COL22A1: variants seen among roughly 807,000 people sequenced by gnomAD.
COL22A1 encodes the protein collagen alpha-1(XXII) chain.
In COL22A1, 221 loss-of-function variants were observed where a neutral mutation model predicts 248.9. The observed-to-expected ratio is 0.89, with a 90% confidence interval of 0.80 to 0.99. The LOEUF (loss-of-function observed/expected upper bound fraction) is 0.99. Among genes scored for constraint, COL22A1 ranks in the 50% least tolerant of loss-of-function variants. COL22A1 has a pLI of 0.00. For missense variants in COL22A1, 2,240 were observed against 2,179.0 expected (o/e 1.03, Z -0.56); for synonymous variants, 891 against 793.4 (o/e 1.12, Z -2.07).
At chr8:138,910,271 G>A (rs545803699) in intron 1 of COL22A1, among the ~76,000 whole-genome samples, 2 of 152,328 alleles carry the variant, frequency 1.3e-5, no homozygotes, top group African/African-American at 4.8e-5. Flanking sequence ...TGGGCTGGTT[G>A]TCTCAGACAC....
At chr8:138,897,625 T>G (rs7820239) in intron 1 of COL22A1, among the ~76,000 whole-genome samples, 4,128 of 152,146 alleles carry the variant, frequency 0.027, 199 homozygotes, top group African/African-American at 0.095. Context: ...CTGAGGCCCC[T>G]GAAGACAAGC....
At chr8:138,636,243 G>GC (rs1291732447) in intron 48 of COL22A1, among the ~76,000 whole-genome samples, 3 of 151,946 alleles carry the variant, frequency 2.0e-5, no homozygotes, top group Non-Finnish European at 4.4e-5. Flanking sequence ...AGAGCAGTGA[G>GC]CCCTTATTGG....
At chr8:138,804,740 A>G (rs13255090) in intron 10 of COL22A1, among the ~76,000 whole-genome samples, 51,745 of 147,856 alleles carry the variant, frequency 0.35, 10,049 homozygotes, top group African/African-American at 0.55. Flanking sequence ...AGGGGTGTGT[A>G]TGTGATGAGG....
At chr8:138,678,086 AC>A (rs773866565) in intron 40 of COL22A1, among the ~76,000 whole-genome samples, 11 of 152,146 alleles carry the variant, frequency 7.2e-5, no homozygotes, top group Non-Finnish European at 1.6e-4. Context: ...CTATAGTACA[AC>A]CGTTGCCTGG....
At chr8:138,845,278 G>T (rs56310782) in intron 3 of COL22A1, among the ~76,000 whole-genome samples, 50 of 145,588 alleles carry the variant, frequency 3.4e-4, no homozygotes, top group Non-Finnish European at 4.9e-4. Flanking sequence ...AGGCCAAGAC[G>T]GGGGGGGATC....
chr8:138,695,004 AC>A, intron 32 of COL22A1, 125 bp from the exon 33 acceptor site: 2 of 806,188 alleles, frequency 2.5e-6, no homozygotes, highest in Non-Finnish European at 2.0e-6. Flanking sequence ...ATAGGTCCCC[AC>A]CCCCAAAGGC....
intron 23 of COL22A1, among the ~76,000 whole-genome samples, chr8:138,735,842 T>A (rs1402982069): frequency 6.6e-6 from 1 of 152,226 alleles, no homozygotes; most frequent in African/African-American, 2.4e-5. Flanking sequence ...AACTGGCTTC[T>A]GAAGTGCAGT....
chr8:138,853,017 C>T (rs886787579), intron 3 of COL22A1, among the ~76,000 whole-genome samples: 1 of 151,584 alleles, frequency 6.6e-6, no homozygotes, highest in African/African-American at 2.4e-5. Flanking sequence ...TATACATGCA[C>T]ATACAAAAAT....
At chr8:138,803,524 A>AAAAAT (rs55672917) in intron 10 of COL22A1, among the ~76,000 whole-genome samples, 5,707 of 152,040 alleles carry the variant, frequency 0.038, 249 homozygotes, top group African/African-American at 0.11. Flanking sequence ...AGTATAATAA[A>AAAAAT]AAAATAAAAT....
intron 11 of COL22A1, among the ~76,000 whole-genome samples, chr8:138,797,388 A>G (rs1444340375): frequency 2.0e-5 from 3 of 152,212 alleles, no homozygotes; most frequent in Non-Finnish European, 2.9e-5. Context: ...TTCACTCAGC[A>G]AAGTCTTTCC....
chr8:138,811,864 T>C lies in COL22A1; in HGVS notation c.1384A>G (p.Thr462Ala). ...PPPPPPQRPP[T>A]PGSEQIGFLK... The stretch of plus-strand genomic sequence containing the variant: ...AACCCAATCTGTTCACTGCCTGGGG[T>C]GGGAGGCCGCTGGGGTGGGGGTGGA... The change falls in exon 9 of 65, where the codon ACC (threonine) becomes GCC (alanine). Residue 462 changes from threonine to alanine, a missense_variant. By Grantham distance (58) the Thr-to-Ala change is moderately conservative. Transcript: ENST00000303045. 1.2e-6 allele frequency: 1 copy of C among 866,958 alleles called. No homozygotes were observed. The highest frequency in any genetic ancestry group is 1.7e-6 in the Non-Finnish European group (1 of 597,048). The allele number at this position is 866,958 out of a possible 1,614,324, so 53.7% of individuals were successfully genotyped here. A position where few individuals can be genotyped will look rare whatever the true frequency, so the allele number is the denominator to read the frequency against.
chr8:138,706,796 A>G (rs1188323273), intron 30 of COL22A1, among the ~76,000 whole-genome samples: 2 of 152,234 alleles, frequency 1.3e-5, no homozygotes, highest in Non-Finnish European at 2.9e-5. Flanking sequence ...TCAGAGCAGA[A>G]CTGAAGGAGA....
chr8:138,687,442 T>C (rs989562749), intron 37 of COL22A1, among the ~76,000 whole-genome samples: 1 of 152,358 alleles, frequency 6.6e-6, no homozygotes, highest in Middle Eastern at 3.4e-3. Flanking sequence ...ACATAAGAAC[T>C]GAAGTGATTC....
In COL22A1 at chr8:138,821,375, C is replaced by T. The variant is rs115041878; in HGVS notation, c.1006G>A (p.Glu336Lys). Reference sequence around the variant, plus strand: ...TTCATGGCACCCACAGCGTTGTACTCGACTGCCTTGTTTTCACCATCCAGC... The same window carrying T: ...TTCATGGCACCCACAGCGTTGTACTTGACTGCCTTGTTTTCACCATCCAGC... ...IRLDGENKAV[E>K]YNAVGAMKDA... is the part of the protein sequence containing the mutation. Residue 336 changes from glutamate to lysine, a missense_variant, in exon 7 of 65, where the codon GAG (glutamate) becomes AAG (lysine). Coordinates refer to ENST00000303045, the MANE Select transcript of COL22A1 (RefSeq NM_152888.3). 424 of 1,613,990 alleles carry T rather than the reference C, an allele frequency of 2.6e-4. No homozygotes were observed. The African/African-American group carries it at 5.0e-3, about 19-fold the overall frequency.
Position 138,905,435 on chromosome 8 carries a change from C to T in COL22A1, c.-73+8184G>A, listed in dbSNP as rs147255859. Reference sequence around the variant, plus strand: ...GCTGAAGGAAAGGCCAGTGGCTGAGCTCAGACTGGGCCCTAGGTCCCCTTT... The same window carrying T: ...GCTGAAGGAAAGGCCAGTGGCTGAGTTCAGACTGGGCCCTAGGTCCCCTTT... On this transcript the variant is annotated intron_variant, in intron 1 of 64. Transcript: ENST00000303045. Among the ~76,000 whole-genome samples the T allele has an allele frequency of 5.3e-3, 806 of 152,302 alleles. 6 individuals carry two copies. The highest frequency in any genetic ancestry group is 0.01 in the Admixed American group (156 of 15,304).
chr8:138,613,769 C>T (rs913951462), intron 56 of COL22A1, 98 bp downstream of exon 56: 25 of 1,126,340 alleles, frequency 2.2e-5, no homozygotes, highest in African/African-American at 9.1e-5. Context: ...AATTTTTTAA[C>T]AATATATACA....
rs371982028 is a variant in COL22A1, at chr8:138,726,498, C to CAAAA, written c.2140-1062_2140-1059dup. 5.6e-4 allele frequency among the ~76,000 whole-genome samples: 54 copies of CAAAA among 95,624 alleles called. 2 individuals carry two copies. In the East Asian group the frequency reaches 9.8e-3, roughly 17 times the overall value. 62.7% of individuals were successfully genotyped at this position (95,624 alleles called of 152,430 possible). The stretch of plus-strand genomic sequence containing the variant: ...GGTGCAGAGCAATATCCTGTATCTA[C>CAAAA]AAAAAAAAAAAAAAAGAAAGAAAAA... On this transcript the variant is annotated intron_variant, in intron 23 of 64. Coordinates refer to ENST00000303045, the MANE Select transcript of COL22A1 (RefSeq NM_152888.3).
intron 39 of COL22A1, among the ~76,000 whole-genome samples, chr8:138,682,477 T>C (rs1423733591): frequency 6.6e-6 from 1 of 152,192 alleles, no homozygotes; most frequent in Non-Finnish European, 1.5e-5. Context: ...ATGTAAACAT[T>C]CTCAAGTCAG....
chr8:138,883,694 T>C (rs1253073229), intron 1 of COL22A1, among the ~76,000 whole-genome samples: 2 of 152,094 alleles, frequency 1.3e-5, no homozygotes, highest in Non-Finnish European at 2.9e-5. Flanking sequence ...ACTTTTATAA[T>C]GGTAGTTCTT....
Sources: gnomAD v4.1 joint callset for allele counts (sites outside exome capture counted in the v4.1 genomes callset) on GRCh38, gnomAD v4.1.1 for gene constraint, MANE v1.5 for transcripts, NCBI Gene and HGNC (gene_info 2026-07-23, HGNC 2026-07-21) for gene names.